NAXD: variants seen among roughly 807,000 people sequenced by gnomAD.
NAXD encodes NAD(P)HX dehydratase.
NAXD carries 22 observed loss-of-function variants against 35.8 expected under a neutral mutation model. The observed-to-expected ratio is 0.62, with a 90% confidence interval of 0.44 to 0.88. The LOEUF is 0.88. Ranked by LOEUF, NAXD falls within the 40% of genes least tolerant of loss-of-function variation. The pLI is 0.00. For synonymous variants in NAXD, 189 were observed against 177.6 expected (o/e 1.06, Z -0.51); for missense variants, 428 against 437.7 (o/e 0.98, Z 0.20).
Position 110,615,570 on chromosome 13 carries a change from CG to C in NAXD, c.-27del. 5.2e-6 allele frequency: 7 copies of C among 1,337,138 alleles called. No individual in the cohort carries two copies. The highest frequency in any genetic ancestry group is 3.9e-5 in the Admixed American group (1 of 25,920). The allele number at this position is 1,337,138 out of a possible 1,614,324, so 82.8% of individuals were successfully genotyped here. On this transcript the variant is annotated 5_prime_UTR_variant, in exon 1 of 10. Coordinates refer to ENST00000680254, the MANE Select transcript of NAXD (RefSeq NM_001242882.2). ...AATGGCTGTGTTTCCGGCGACGGCG[CG>C]GGGGCAGCTGGGAATCCGGAATGCT... is the stretch of plus-strand genomic sequence containing the variant.
intron 5 of NAXD, among the ~76,000 whole-genome samples, chr13:110,630,677 A>G (rs1453164682): frequency 3.3e-5 from 5 of 152,132 alleles, no homozygotes; most frequent in Admixed American, 6.5e-5. Flanking sequence ...TCTGCGGTGC[A>G]TGTCGAGCTG....
chr13:110,622,565 C>T (rs529035596), intron 2 of NAXD, among the ~76,000 whole-genome samples, 199 bp downstream of exon 2: 1 of 152,300 alleles, frequency 6.6e-6, no homozygotes, highest in East Asian at 1.9e-4. Flanking sequence ...GAATTACTCC[C>T]TCATGTGTGT....
At chr13:110,627,635 T>A in intron 5 of NAXD, 88 bp downstream of exon 5, 1 of 885,380 alleles carries the variant, frequency 1.1e-6, no homozygotes, top group Non-Finnish European at 1.9e-6. Flanking sequence ...GCATTTTGTG[T>A]AGTGTTCCGT....
chr13:110,627,502 A>G lies in NAXD; in HGVS notation c.396A>G (p.Val132=), dbSNP rs750729449. Residue 132 remains valine (V), a synonymous_variant, in exon 5 of 10, where the codon GTA becomes GTG. Transcript: ENST00000680254. ...KWLPRLHALV[V]GPGLGRDDAL... is the part of the protein sequence containing the mutation. Reference sequence around the variant, plus strand: ...TGCCCCGGCTGCATGCTCTTGTCGTAGGACCTGGCTTGGGTAGAGATGATG... The same window carrying G: ...TGCCCCGGCTGCATGCTCTTGTCGTGGGACCTGGCTTGGGTAGAGATGATG... 6.2e-6 allele frequency: 10 copies of G among 1,614,000 alleles called. No individual in the cohort carries two copies. The African/African-American group carries it at 1.2e-4, about 19-fold the overall frequency.
chr13:110,615,499 T>G (rs903389984), upstream of NAXD: 3 of 1,160,162 alleles, frequency 2.6e-6, no homozygotes, highest in Admixed American at 4.1e-5. Flanking sequence ...GGGATCCCAC[T>G]GCCGACAGCC....
At chr13:110,625,374 C>G in intron 4 of NAXD, 96 bp downstream of exon 4, 3 of 809,962 alleles carry the variant, frequency 3.7e-6, no homozygotes, top group East Asian at 2.6e-5. Flanking sequence ...GATGGATTTT[C>G]CATCCTCAGA....
intron 5 of NAXD, among the ~76,000 whole-genome samples, chr13:110,630,507 G>C (rs748669876): frequency 3.3e-5 from 5 of 152,098 alleles, no homozygotes; most frequent in Non-Finnish European, 5.9e-5. Context: ...TTTTCACTTC[G>C]ATGGTTTTGT....
At chr13:110,636,101 G>A (rs915033459) in intron 8 of NAXD, among the ~76,000 whole-genome samples, 1 of 152,250 alleles carries the variant, frequency 6.6e-6, no homozygotes, top group African/African-American at 2.4e-5. Flanking sequence ...CGGAGCCTGG[G>A]GAGGCTTCAG....
chr13:110,627,398 G>GAATT (rs766772479), intron 4 of NAXD, 41 bp from the exon 5 acceptor site: 78 of 1,296,494 alleles, frequency 6.0e-5, no homozygotes, highest in Non-Finnish European at 8.5e-5. Flanking sequence ...AGTAAATGAG[G>GAATT]AATTGTGGGT....
At chr13:110,617,326 C>CGTTT (rs1384984509) in intron 1 of NAXD, among the ~76,000 whole-genome samples, 1 of 152,160 alleles carries the variant, frequency 6.6e-6, no homozygotes, top group Non-Finnish European at 1.5e-5. Context: ...AAAAGCCAAA[C>CGTTT]AAATTTAACC....
chr13:110,633,914 C>G (rs1372001483), intron 5 of NAXD, among the ~76,000 whole-genome samples: 1 of 152,124 alleles, frequency 6.6e-6, no homozygotes, highest in Non-Finnish European at 1.5e-5. Flanking sequence ...CTCAGGAATT[C>G]AGATTTCCTG....
At chr13:110,619,829 C>T (rs1594167560) in intron 1 of NAXD, among the ~76,000 whole-genome samples, 2 of 152,074 alleles carry the variant, frequency 1.3e-5, no homozygotes, top group Admixed American at 6.5e-5. Flanking sequence ...ACAAGAGTCT[C>T]GCTGTGTCAC....
Position 110,615,588 on chromosome 13 carries a change from C to G in NAXD, c.-14C>G. On this transcript the variant is annotated 5_prime_UTR_variant, in exon 1 of 10. Coordinates refer to ENST00000680254, the MANE Select transcript of NAXD (RefSeq NM_001242882.2). ...GACGGCGCGGGGGCAGCTGGGAATCCGGAATGCTGCCCGATGGCCCTGGGT... is the reference window on the plus strand; with the variant it reads ...GACGGCGCGGGGGCAGCTGGGAATCGGGAATGCTGCCCGATGGCCCTGGGT... 1 of 1,358,810 alleles carries G rather than the reference C, an allele frequency of 7.4e-7. No individual in the cohort carries two copies. Among genetic ancestry groups the G allele is most frequent in the Non-Finnish European group, 9.5e-7 (1 of 1,055,096 alleles). The allele number at this position is 1,358,810 out of a possible 1,614,324, so 84.2% of individuals were successfully genotyped here.
At chr13:110,626,256 C>T (rs1019256209) in intron 4 of NAXD, among the ~76,000 whole-genome samples, 29 of 110,888 alleles carry the variant, frequency 2.6e-4, no homozygotes, top group Admixed American at 1.2e-4. Context: ...TGAGAGGGGC[C>T]GGATTCTGGG....
At chr13:110,632,256 G>GCTCGTGGT (rs1886723511) in intron 5 of NAXD, among the ~76,000 whole-genome samples, 1 of 151,898 alleles carries the variant, frequency 6.6e-6, no homozygotes, top group Non-Finnish European at 1.5e-5. Flanking sequence ...CTCCCGGTGG[G>GCTCGTGGT]CTCGTGGTCT....
rs956200732 is a variant in NAXD, at chr13:110,639,814, T to A, written c.*1286T>A. ...ATGCCCCAGATGGATTCTACTTTCT[T>A]TAAAACTAGGGACTTTCAAGATTAA... On this transcript the variant is annotated 3_prime_UTR_variant, in exon 10 of 10. Coordinates refer to ENST00000680254, the MANE Select transcript of NAXD (RefSeq NM_001242882.2). 1 of 152,154 alleles carries A rather than the reference T, an allele frequency of 6.6e-6. No individual in the cohort carries two copies. Among genetic ancestry groups the A allele is most frequent in the African/African-American group, 2.4e-5 (1 of 41,438 alleles). 9.4% of individuals were successfully genotyped at this position (152,154 alleles called of 1,614,324 possible). A position where few individuals can be genotyped will look rare whatever the true frequency, so the allele number is the denominator to read the frequency against.
At chr13:110,621,710 T>C (rs1360593710) in intron 1 of NAXD, among the ~76,000 whole-genome samples, 1 of 145,772 alleles carries the variant, frequency 6.9e-6, no homozygotes, top group East Asian at 2.1e-4. Context: ...AATAAATAAA[T>C]AGCATGTGTT....
chr13:110,636,505 A>G (rs1471737739), intron 8 of NAXD, among the ~76,000 whole-genome samples: 5 of 152,252 alleles, frequency 3.3e-5, no homozygotes, highest in African/African-American at 1.2e-4. Context: ...GCTGTGCACA[A>G]GGAACACAGA....
rs1443842338 is a variant in NAXD, at chr13:110,634,608, C to G, written c.492+13C>G. 2 of 1,614,074 alleles carry G rather than the reference C, an allele frequency of 1.2e-6. No individual in the cohort carries two copies. Among genetic ancestry groups the G allele is most frequent in the Non-Finnish European group, 1.7e-6 (2 of 1,180,022 alleles). Reference sequence around the variant, plus strand: ...TGTCATCGACGCGGTGAGTTGACTTCTCTCCTCCTGGCTCGGACTCCCGGA... The same window carrying G: ...TGTCATCGACGCGGTGAGTTGACTTGTCTCCTCCTGGCTCGGACTCCCGGA... On this transcript the variant is annotated intron_variant, in intron 6 of 9. Transcript: ENST00000680254.
Sources: gnomAD v4.1 joint callset for allele counts (sites outside exome capture counted in the v4.1 genomes callset) on GRCh38, gnomAD v4.1.1 for gene constraint, MANE v1.5 for transcripts, NCBI Gene and HGNC (gene_info 2026-07-23, HGNC 2026-07-21) for gene names.